PIP4K2A: variants seen among roughly 807,000 people sequenced by gnomAD.
The protein encoded by PIP4K2A is phosphatidylinositol 5-phosphate 4-kinase type-2 alpha.
In PIP4K2A, 14 loss-of-function variants were observed where a neutral mutation model predicts 42.9. That is an observed-to-expected ratio of 0.33 (90% confidence interval 0.22 to 0.51). The LOEUF is 0.51. Ranked by LOEUF, PIP4K2A falls within the 20% of genes least tolerant of loss-of-function variation. The pLI, the probability that PIP4K2A is intolerant of heterozygous loss-of-function variation, is 0.97. For missense variants in PIP4K2A, 434 were observed against 519.8 expected, an observed-to-expected ratio of 0.83 and a Z score of 1.61; for synonymous variants, 192 against 192.2, an observed-to-expected ratio of 1.00 and a Z score of 0.01.
intron 4 of PIP4K2A, among the ~76,000 whole-genome samples, chr10:22,579,273 G>A (rs1183456430): frequency 5.3e-5 from 8 of 152,206 alleles, no homozygotes; most frequent in Admixed American, 3.9e-4. Flanking sequence ...TCATTCTCCA[G>A]CATCACGGGA....
intron 1 of PIP4K2A, among the ~76,000 whole-genome samples, chr10:22,624,472 AT>A (rs1314232753): frequency 6.6e-6 from 1 of 152,240 alleles, no homozygotes; most frequent in East Asian, 1.9e-4. Context: ...TGATTCTAAC[AT>A]TTCTCTGCTT....
chr10:22,627,591 T>TTAAAAAAAAAAAAAAAAAAAAA (rs1838469308), intron 1 of PIP4K2A, among the ~76,000 whole-genome samples: 5 of 57,032 alleles, frequency 8.8e-5, no homozygotes, highest in Middle Eastern at 0.018. Context: ...TAATATGTAA[T>TTAAAAAAAAAAAAAAAAAAAAA]AAAAAAAAAA....
intron 1 of PIP4K2A, among the ~76,000 whole-genome samples, chr10:22,639,007 CA>C (rs1461127756): frequency 6.6e-6 from 1 of 152,056 alleles, no homozygotes; most frequent in Non-Finnish European, 1.5e-5. Flanking sequence ...TTCTCAAGGC[CA>C]CCAGAAGCCC....
At chr10:22,550,564 A>T (rs1836382734) in intron 7 of PIP4K2A, 95 bp downstream of exon 7, 2 of 771,648 alleles carry the variant, frequency 2.6e-6, no homozygotes, top group Non-Finnish European at 2.3e-6. Flanking sequence ...TTTTGCCTTG[A>T]TTGAAGATTT....
intron 3 of PIP4K2A, among the ~76,000 whole-genome samples, chr10:22,605,442 T>C (rs994813515): frequency 2.0e-5 from 3 of 152,222 alleles, no homozygotes; most frequent in Non-Finnish European, 4.4e-5. Context: ...GTAGTTTTCT[T>C]TGTAGGGCGA....
chr10:22,640,172 G>GA (rs1386004842), intron 1 of PIP4K2A, among the ~76,000 whole-genome samples: 1 of 152,052 alleles, frequency 6.6e-6, no homozygotes, highest in Admixed American at 6.5e-5. Context: ...TCCTCTACAT[G>GA]AAGCTCACTA....
At chr10:22,694,634 G>A (rs1031522200) in intron 1 of PIP4K2A, 2 of 152,080 alleles carry the variant, frequency 1.3e-5, no homozygotes, top group Admixed American at 6.5e-5. Flanking sequence ...TTTTTTCAAT[G>A]ACCTTACTTA....
intron 6 of PIP4K2A, 122 bp from the exon 7 acceptor site, chr10:22,550,894 C>A: frequency 1.5e-6 from 1 of 671,168 alleles, no homozygotes; most frequent in South Asian, 1.7e-5. Flanking sequence ...CGTTCACCAC[C>A]ACAGGGGTCT....
chr10:22,648,271 A>T (rs577225710), intron 1 of PIP4K2A, among the ~76,000 whole-genome samples: 1 of 152,376 alleles, frequency 6.6e-6, no homozygotes, highest in South Asian at 2.1e-4. Context: ...AAATATTCAG[A>T]CAACCAAAAA....
At chr10:22,544,548 G>T (rs1432973723) in intron 7 of PIP4K2A, among the ~76,000 whole-genome samples, 1 of 152,190 alleles carries the variant, frequency 6.6e-6, no homozygotes, top group African/African-American at 2.4e-5. Flanking sequence ...CTTGAGAGGT[G>T]ACAGGGAAAA....
intron 1 of PIP4K2A, among the ~76,000 whole-genome samples, chr10:22,638,133 A>G (rs753107636): frequency 1.3e-4 from 20 of 152,330 alleles, no homozygotes; most frequent in Middle Eastern, 3.4e-3. Context: ...TGCATTTTGG[A>G]TAATAACTTA....
chr10:22,592,557 G>A (rs1485326434), intron 3 of PIP4K2A, among the ~76,000 whole-genome samples: 1 of 152,142 alleles, frequency 6.6e-6, no homozygotes, highest in South Asian at 2.1e-4. Flanking sequence ...CTGGAGGGTG[G>A]ACAAGGACGG....
At chr10:22,579,962 G>C (rs916129682) in intron 4 of PIP4K2A, among the ~76,000 whole-genome samples, 1 of 151,816 alleles carries the variant, frequency 6.6e-6, no homozygotes, top group African/African-American at 2.4e-5. Flanking sequence ...CCATTCTGAT[G>C]AATGTGGAGA....
intron 1 of PIP4K2A, among the ~76,000 whole-genome samples, chr10:22,637,129 C>T (rs1045291622): frequency 5.9e-5 from 9 of 152,162 alleles, no homozygotes; most frequent in African/African-American, 2.2e-4. Flanking sequence ...GAAGAGCAAA[C>T]GTCAAACAAG....
chr10:22,651,863 A>G (rs931448536), intron 1 of PIP4K2A, among the ~76,000 whole-genome samples: 4 of 152,126 alleles, frequency 2.6e-5, no homozygotes, highest in Non-Finnish European at 4.4e-5. Context: ...CTGAAAATTA[A>G]TTTCTCAGAT....
At position 22,573,303 on chromosome 10, in the gene PIP4K2A, A is replaced by C. The variant is rs1305242394; in HGVS notation, c.639+8T>G. 8.7e-6 allele frequency: 14 copies of C among 1,610,044 alleles called. No homozygotes were observed. The highest frequency in any genetic ancestry group is 1.1e-5 in the Non-Finnish European group (13 of 1,177,514). On this transcript the variant is annotated splice_region_variant and intron_variant, in intron 5 of 9. Transcript: ENST00000376573. The stretch of plus-strand genomic sequence containing the variant: ...TTACTTTACAAAAATTCATAAAATC[A>C]GTCTCACCTTTAAGTCGTATTTCCT...
intron 1 of PIP4K2A, among the ~76,000 whole-genome samples, chr10:22,630,847 C>G (rs575867382): frequency 2.0e-5 from 3 of 152,316 alleles, no homozygotes; most frequent in African/African-American, 7.2e-5. Context: ...TACTTGGGTT[C>G]TGGGTCCTCT....
intron 1 of PIP4K2A, among the ~76,000 whole-genome samples, chr10:22,640,129 G>C (rs1238787073): frequency 6.6e-6 from 1 of 150,804 alleles, no homozygotes; most frequent in Non-Finnish European, 1.5e-5. Context: ...AGTTAAACAG[G>C]TGTTTTGAAT....
chr10:22,655,121 T>G (rs1441786849), intron 1 of PIP4K2A, among the ~76,000 whole-genome samples: 1 of 152,036 alleles, frequency 6.6e-6, no homozygotes, highest in African/African-American at 2.4e-5. Context: ...AAAAGGAAAT[T>G]GTGCCTCAAG....
Sources: allele counts gnomAD v4.1 joint callset (sites outside exome capture counted in the v4.1 genomes callset), GRCh38; gene constraint gnomAD v4.1.1; transcripts MANE v1.5; gene names NCBI Gene and HGNC (gene_info 2026-07-23, HGNC 2026-07-21).